The following SPAG16 variants were observed in gnomAD, a reference collection of about 807,000 sequenced individuals.
SPAG16 encodes the protein sperm associated antigen 16, also known as sperm-associated antigen 16 protein.
SPAG16 carries 86 observed loss-of-function variants against 80.4 expected under a neutral mutation model. The ratio of observed to expected loss-of-function variants is 1.07; its 90% CI spans 0.90 to 1.28. The LOEUF (loss-of-function observed/expected upper bound fraction) is 1.28, where lower values mean the gene tolerates loss of function less well. SPAG16 is among the 50% of genes most tolerant of loss of function. The pLI is 0.00. For synonymous variants in SPAG16, 294 were observed against 265.9 expected, an observed-to-expected ratio of 1.11 and a Z score of -1.03; for missense variants, 870 against 765.3, an observed-to-expected ratio of 1.14 and a Z score of -1.61.
rs555453675 is a variant in SPAG16, at chr2:214,368,094, G to A, written c.1721-42046G>A. 7.9e-5 allele frequency among the ~76,000 whole-genome samples: 12 copies of A among 152,098 alleles called. No individual in the cohort carries two copies. The South Asian group carries it at 8.3e-4, about 11-fold the overall frequency. ...AGCTTGAACTTTCTATGAAGTCTAC[G>A]GAGCCTCCTCTTTAGTTACATAAGC... On this transcript the variant is annotated intron_variant, in intron 15 of 15. Transcript: ENST00000331683.
In SPAG16 at chr2:214,044,263, T is replaced by C. The variant is rs1477788628; in HGVS notation, c.1527+30186T>C. 3.3e-5 allele frequency among the ~76,000 whole-genome samples: 5 copies of C among 152,350 alleles called. 1 individual carries two copies. The East Asian group carries it at 9.6e-4, about 29-fold the overall frequency. On this transcript the variant is annotated intron_variant, in intron 13 of 15. Coordinates refer to ENST00000331683, the MANE Select transcript of SPAG16 (RefSeq NM_024532.5). ...TCTGTGTTCTAAATACTCTAAGTAATACATTTTCTAAGTAATAAAATAATT... is the reference window on the plus strand; with the variant it reads ...TCTGTGTTCTAAATACTCTAAGTAACACATTTTCTAAGTAATAAAATAATT...
chr2:213,795,097 T>A (rs2070942284), intron 10 of SPAG16, among the ~76,000 whole-genome samples: 1 of 152,152 alleles, frequency 6.6e-6, no homozygotes, highest in Non-Finnish European at 1.5e-5. Flanking sequence ...ATAAGCCCCA[T>A]TTCAGTATAT....
intron 13 of SPAG16, among the ~76,000 whole-genome samples, chr2:214,053,996 T>TC (rs749545249): frequency 1.3e-5 from 2 of 152,068 alleles, no homozygotes; most frequent in Non-Finnish European, 1.5e-5. Flanking sequence ...TCACCCCCAC[T>TC]CCCTTTTTTT....
chr2:213,328,269 A>C (rs957141315), intron 5 of SPAG16, among the ~76,000 whole-genome samples: 1 of 152,164 alleles, frequency 6.6e-6, no homozygotes, highest in Non-Finnish European at 1.5e-5. Context: ...TATTCTGTAC[A>C]ACTTTTTTTT....
chr2:213,300,276 T>C (rs1376088719), intron 3 of SPAG16, among the ~76,000 whole-genome samples: 2 of 152,256 alleles, frequency 1.3e-5, no homozygotes, highest in East Asian at 1.9e-4. Context: ...TCCTCCTCCT[T>C]TTCTTCCTCT....
intron 15 of SPAG16, among the ~76,000 whole-genome samples, chr2:214,185,911 CT>C (rs1366152969): frequency 1.3e-5 from 2 of 152,096 alleles, no homozygotes; most frequent in Non-Finnish European, 2.9e-5. Flanking sequence ...CCATACTCAT[CT>C]TGTTTTTCTA....
intron 10 of SPAG16, among the ~76,000 whole-genome samples, chr2:213,656,354 T>G (rs1203449681): frequency 6.6e-6 from 1 of 152,218 alleles, no homozygotes; most frequent in Non-Finnish European, 1.5e-5. Flanking sequence ...GTATTTTTAG[T>G]GGAGACGGGG....
intron 6 of SPAG16, among the ~76,000 whole-genome samples, chr2:213,343,323 T>C (rs965947478): frequency 6.6e-6 from 1 of 152,058 alleles, no homozygotes; most frequent in Non-Finnish European, 1.5e-5. Context: ...TGCTTTAGAA[T>C]TTTTCTCCAA....
At position 213,972,935 on chromosome 2, in the gene SPAG16, G is replaced by C. The variant is rs1038186888; in HGVS notation, c.1401-41016G>C. ...CCTTATTTCCTTTAGTTTGTGTTCA[G>C]CTAGTGTTTTGATATAGATTTTCTT... is the stretch of plus-strand genomic sequence containing the variant. On this transcript the variant is annotated intron_variant, in intron 12 of 15. Transcript: ENST00000331683. Among the ~76,000 whole-genome samples, 11 of 152,050 alleles carry C rather than the reference G, an allele frequency of 7.2e-5. No individual in the cohort carries two copies. The South Asian group carries it at 1.9e-3, about 26-fold the overall frequency.
intron 10 of SPAG16, among the ~76,000 whole-genome samples, chr2:213,588,808 CAAAAAAAAAAAAAAAAA>C (rs59813410): frequency 9.0e-4 from 26 of 28,954 alleles, no homozygotes; most frequent in Admixed American, 5.1e-3. Context: ...GACTCCGTCT[CAAAAAAAAAAAAAAAAA>C]AAAAAAAAAA....
At chr2:214,045,435 T>C (rs2049263722) in intron 13 of SPAG16, among the ~76,000 whole-genome samples, 1 of 148,920 alleles carries the variant, frequency 6.7e-6, no homozygotes, top group East Asian at 1.9e-4. Context: ...CCTGAGACTT[T>C]CTGGCTTCAG....
chr2:213,431,869 A>G (rs780769362), intron 9 of SPAG16, among the ~76,000 whole-genome samples: 2 of 152,028 alleles, frequency 1.3e-5, no homozygotes, highest in Non-Finnish European at 2.9e-5. Flanking sequence ...AGTCTCAACA[A>G]ATTAAAAAAA....
At chr2:213,334,016 A>G (rs2064229013) in intron 5 of SPAG16, among the ~76,000 whole-genome samples, 2 of 152,188 alleles carry the variant, frequency 1.3e-5, no homozygotes, top group South Asian at 4.1e-4. Context: ...GGAATAATCA[A>G]CAAAGTGAAG....
At chr2:213,304,307 T>C (rs2126095717) in intron 3 of SPAG16, among the ~76,000 whole-genome samples, 1 of 152,286 alleles carries the variant, frequency 6.6e-6, no homozygotes, top group Admixed American at 6.5e-5. Flanking sequence ...TTGCATATAT[T>C]TTCTCCCATT....
At chr2:214,018,405 T>C (rs995357720) in intron 13 of SPAG16, among the ~76,000 whole-genome samples, 1 of 152,172 alleles carries the variant, frequency 6.6e-6, no homozygotes, top group African/African-American at 2.4e-5. Context: ...CAGTGGTTCA[T>C]AAACAAGTTA....
At chr2:213,639,228 C>G (rs2062492846) in intron 10 of SPAG16, among the ~76,000 whole-genome samples, 1 of 152,134 alleles carries the variant, frequency 6.6e-6, no homozygotes, top group South Asian at 2.1e-4. Context: ...AGCATTTAGA[C>G]CATTTACATT....
intron 14 of SPAG16, among the ~76,000 whole-genome samples, chr2:214,127,190 A>G (rs77371845): frequency 6.3e-4 from 95 of 151,860 alleles, no homozygotes; most frequent in Non-Finnish European, 7.5e-4. Context: ...ATCTTGGAGA[A>G]TATAAAAGGA....
At position 213,748,268 on chromosome 2, in the gene SPAG16, T is replaced by C. The variant is rs529438989; in HGVS notation, c.1071-114217T>C. Among the ~76,000 whole-genome samples, 19 of 152,220 alleles carry C rather than the reference T, an allele frequency of 1.2e-4. No individual in the cohort carries two copies. The East Asian group carries it at 3.7e-3, about 29-fold the overall frequency. On this transcript the variant is annotated intron_variant, in intron 10 of 15. Coordinates refer to ENST00000331683, the MANE Select transcript of SPAG16 (RefSeq NM_024532.5). ...AGGAACATATTCCTAAATGAAAAAA[T>C]ATTTCATTGTGCATGTTTCAGAAGC...
chr2:213,950,291 T>A (rs1023265326), intron 12 of SPAG16, among the ~76,000 whole-genome samples: 10 of 152,174 alleles, frequency 6.6e-5, no homozygotes, highest in African/African-American at 2.2e-4. Context: ...TTCTAAGAAT[T>A]AAGAAAAACG....
Sources: allele counts gnomAD v4.1 joint callset (sites outside exome capture counted in the v4.1 genomes callset), GRCh38; gene constraint gnomAD v4.1.1; transcripts MANE v1.5; gene names NCBI Gene and HGNC (gene_info 2026-07-23, HGNC 2026-07-21).